PDE1C: variants seen among roughly 807,000 people sequenced by gnomAD.
The protein encoded by PDE1C is phosphodiesterase 1C.
PDE1C carries 62 observed loss-of-function variants against 93.1 expected under a neutral mutation model. That is an observed-to-expected ratio of 0.67 (90% CI 0.54 to 0.82). The LOEUF is 0.82. PDE1C is among the 40% of genes least tolerant of loss of function. The pLI, the probability that PDE1C is intolerant of heterozygous loss-of-function variation, is 0.00. For missense variants in PDE1C, 742 were observed against 884.6 expected, an observed-to-expected ratio of 0.84 and a Z score of 2.04; for synonymous variants, 325 against 310.1, an observed-to-expected ratio of 1.05 and a Z score of -0.50.
intron 2 of PDE1C, among the ~76,000 whole-genome samples, chr7:32,000,286 G>A (rs1474088904): frequency 2.0e-5 from 3 of 152,128 alleles, no homozygotes; most frequent in Non-Finnish European, 2.9e-5. Context: ...TTCATGCAAC[G>A]AGCTCAGAAT....
chr7:31,631,407 T>C, the PDE1C span, among the ~76,000 whole-genome samples: 1 of 152,234 alleles, frequency 6.6e-6, no homozygotes, highest in Non-Finnish European at 1.5e-5. Context: ...CATATAAATG[T>C]GCACAAACAA....
At chr7:32,354,142 AAACTT>A (rs1251762737) in intron 1 of PDE1C, among the ~76,000 whole-genome samples, 2 of 152,182 alleles carry the variant, frequency 1.3e-5, no homozygotes, top group African/African-American at 4.8e-5. Context: ...CCCCCAGAAA[AAACTT>A]AACTGCCAAA....
chr7:32,082,727 AT>A, intron 3 of PDE1C, among the ~76,000 whole-genome samples: 1 of 152,234 alleles, frequency 6.6e-6, no homozygotes, highest in Non-Finnish European at 1.5e-5. Context: ...ACCGCTACTG[AT>A]ACCCAGGCAA....
At chr7:31,798,907 T>C (rs945864170) in intron 16 of PDE1C, among the ~76,000 whole-genome samples, 1 of 151,644 alleles carries the variant, frequency 6.6e-6, no homozygotes, top group Non-Finnish European at 1.5e-5. Context: ...AAGAAAGGTT[T>C]TGAGGTGTCT....
chr7:31,652,942 A>G, the PDE1C span: 2 of 1,500,140 alleles, frequency 1.3e-6, no homozygotes, highest in Non-Finnish European at 1.8e-6. Context: ...TGTCAGCTAT[A>G]TCTCTCATAT....
chr7:31,630,026 GATTAT>G, the PDE1C span, among the ~76,000 whole-genome samples: 2 of 152,058 alleles, frequency 1.3e-5, no homozygotes, highest in South Asian at 4.2e-4. Context: ...TAAAATCCTA[GATTAT>G]ATCATAGAAA....
chr7:31,692,544 G>C, the PDE1C span: 1 of 1,568,806 alleles, frequency 6.4e-7, no homozygotes, highest in Non-Finnish European at 8.8e-7. Context: ...GATCGATTGT[G>C]AATGTCAGTG....
intron 2 of PDE1C, among the ~76,000 whole-genome samples, chr7:32,180,515 TGAGGACACAGCGCTCCTCCTCTCA>T (rs1803322761): frequency 2.0e-5 from 3 of 152,302 alleles, no homozygotes; most frequent in Admixed American, 2.0e-4. Context: ...TTCCATCATG[TGAGGACACAGCGCTCCTCCTCTCA>T]GAGGACACAG....
At chr7:32,369,999 A>G (rs1279382298) in intron 1 of PDE1C, among the ~76,000 whole-genome samples, 1 of 152,268 alleles carries the variant, frequency 6.6e-6, no homozygotes, top group Non-Finnish European at 1.5e-5. Flanking sequence ...CCAAAGGATT[A>G]TAAATCATGC....
At chr7:31,681,796 G>A in the PDE1C span, among the ~76,000 whole-genome samples, 1 of 152,138 alleles carries the variant, frequency 6.6e-6, no homozygotes, top group South Asian at 2.1e-4. Context: ...TGCTTTATTT[G>A]ATCCACAGCA....
chr7:31,625,681 G>A, the PDE1C span, among the ~76,000 whole-genome samples: 1 of 152,066 alleles, frequency 6.6e-6, no homozygotes, highest in Non-Finnish European at 1.5e-5. Flanking sequence ...TAGATGACGA[G>A]TTAGTGGGTG....
At chr7:31,972,708 A>G (rs1157147006) in intron 2 of PDE1C, among the ~76,000 whole-genome samples, 2 of 152,164 alleles carry the variant, frequency 1.3e-5, no homozygotes, top group Admixed American at 6.5e-5. Context: ...GGGGACCTCA[A>G]AAGTCAAGGA....
chr7:32,337,452 T>C (rs1783649788), intron 1 of PDE1C, among the ~76,000 whole-genome samples: 1 of 152,234 alleles, frequency 6.6e-6, no homozygotes, highest in African/African-American at 2.4e-5. Context: ...AAAAAAATTA[T>C]ATTAAAAAGG....
At chr7:31,779,129 T>G (rs567554524) in intron 16 of PDE1C, among the ~76,000 whole-genome samples, 44 of 152,306 alleles carry the variant, frequency 2.9e-4, no homozygotes, top group African/African-American at 9.6e-4. Flanking sequence ...GGGACCTGGG[T>G]ATTTCACAGG....
At chr7:32,041,640 G>T (rs1791828629) in intron 2 of PDE1C, among the ~76,000 whole-genome samples, 1 of 152,152 alleles carries the variant, frequency 6.6e-6, no homozygotes, top group South Asian at 2.1e-4. Flanking sequence ...TGCATAAAGA[G>T]TTATGTATTC....
the PDE1C span, among the ~76,000 whole-genome samples, chr7:31,683,552 G>C: frequency 6.6e-6 from 1 of 151,866 alleles, no homozygotes; most frequent in Non-Finnish European, 1.5e-5. Context: ...ACTTACCAGG[G>C]GATATTGATC....
At chr7:31,920,449 C>A (rs1802464911) in intron 2 of PDE1C, among the ~76,000 whole-genome samples, 1 of 152,154 alleles carries the variant, frequency 6.6e-6, no homozygotes, top group South Asian at 2.1e-4. Context: ...ATATGCTCTT[C>A]ATGGGGTGAG....
chr7:32,111,120 T>C (rs978820478), intron 3 of PDE1C, among the ~76,000 whole-genome samples: 5 of 152,120 alleles, frequency 3.3e-5, no homozygotes, highest in Admixed American at 3.3e-4. Flanking sequence ...CTGTCTCTTT[T>C]CAAGAGAAAA....
chr7:31,781,907 T>C (rs1351729851), intron 16 of PDE1C, among the ~76,000 whole-genome samples: 1 of 152,100 alleles, frequency 6.6e-6, no homozygotes, highest in Non-Finnish European at 1.5e-5. Context: ...GCTATTTAAA[T>C]GTGGCTTTCA....
Sources: gnomAD v4.1 joint callset for allele counts (sites outside exome capture counted in the v4.1 genomes callset) on GRCh38, gnomAD v4.1.1 for gene constraint, MANE v1.5 for transcripts, NCBI Gene and HGNC (gene_info 2026-07-23, HGNC 2026-07-21) for gene names.